WDPCP: variants seen among roughly 807,000 people sequenced by gnomAD.
WDPCP encodes WD repeat containing planar cell polarity effector.
A neutral mutation model predicts 93.1 loss-of-function variants in WDPCP; 71 were observed. The observed-to-expected ratio is 0.76, with a 90% confidence interval of 0.63 to 0.93. The LOEUF is 0.93. Ranked by LOEUF, WDPCP falls within the 40% of genes least tolerant of loss-of-function variation. WDPCP has a pLI of 0.00. For synonymous variants in WDPCP, 315 were observed against 315.0 expected, an observed-to-expected ratio of 1.00 and a Z score of 0.00; for missense variants, 844 against 887.4, an observed-to-expected ratio of 0.95 and a Z score of 0.62.
intron 12 of WDPCP, among the ~76,000 whole-genome samples, chr2:63,326,700 G>A (rs533522236): frequency 6.6e-6 from 1 of 151,778 alleles, no homozygotes; most frequent in African/African-American, 2.4e-5. Context: ...CAAAGAGAAG[G>A]AGACAGACAG....
chr2:63,124,115 T>G (rs552084070), intron 17 of WDPCP, among the ~76,000 whole-genome samples: 206 of 151,694 alleles, frequency 1.4e-3, no homozygotes, highest in African/African-American at 4.6e-3. Flanking sequence ...TTTTTCTGTT[T>G]GTAGGATTAT....
At chr2:63,395,200 T>C (rs1355841169) in intron 10 of WDPCP, among the ~76,000 whole-genome samples, 2 of 152,196 alleles carry the variant, frequency 1.3e-5, no homozygotes, top group Non-Finnish European at 2.9e-5. Flanking sequence ...TCTATGAAAT[T>C]CTAGAAAAGG....
intron 2 of WDPCP, among the ~76,000 whole-genome samples, chr2:63,657,284 A>G (rs1190524576): frequency 7.1e-6 from 1 of 140,580 alleles, no homozygotes; most frequent in African/African-American, 2.7e-5. Context: ...GACTCACTGC[A>G]AGCTCCGCCT....
intron 8 of WDPCP, among the ~76,000 whole-genome samples, chr2:63,436,193 C>A (rs1697126822): frequency 6.6e-6 from 1 of 151,964 alleles, no homozygotes; most frequent in Non-Finnish European, 1.5e-5. Context: ...CTGAAGTTAG[C>A]CATTCTAGAA....
intron 3 of WDPCP, among the ~76,000 whole-genome samples, chr2:63,613,979 T>G (rs262491): frequency 6.6e-6 from 1 of 152,078 alleles, no homozygotes; most frequent in Admixed American, 6.5e-5. Flanking sequence ...GACTTTTTAT[T>G]CATTTTTCTG....
intron 6 of WDPCP, among the ~76,000 whole-genome samples, chr2:63,446,999 G>T (rs1003028645): frequency 7.2e-5 from 11 of 152,098 alleles, no homozygotes; most frequent in African/African-American, 2.7e-4. Flanking sequence ...ATCTGAATTT[G>T]GCTATTGTTA....
At chr2:63,646,677 C>A (rs1030173541) in intron 3 of WDPCP, among the ~76,000 whole-genome samples, 2 of 152,122 alleles carry the variant, frequency 1.3e-5, no homozygotes, top group Non-Finnish European at 2.9e-5. Flanking sequence ...ACCAGATATA[C>A]TATTCTAAAG....
At chr2:63,184,302 T>C (rs889333654) in intron 14 of WDPCP, among the ~76,000 whole-genome samples, 7 of 152,158 alleles carry the variant, frequency 4.6e-5, no homozygotes, top group African/African-American at 1.7e-4. Context: ...ACTAACTGTT[T>C]TTATAAGACC....
chr2:63,779,560 A>T (rs1558908705), intron 2 of WDPCP, among the ~76,000 whole-genome samples: 1 of 152,192 alleles, frequency 6.6e-6, no homozygotes, highest in Non-Finnish European at 1.5e-5. Context: ...TGGTTGAGCA[A>T]GGCTGTTCAA....
chr2:63,500,925 T>C (rs1456077919), intron 1 of WDPCP, among the ~76,000 whole-genome samples: 1 of 152,232 alleles, frequency 6.6e-6, no homozygotes, highest in Non-Finnish European at 1.5e-5. Context: ...ACATTTAGCT[T>C]CTAATGTTAA....
At chr2:63,446,568 A>T (rs1191815764) in intron 6 of WDPCP, among the ~76,000 whole-genome samples, 1 of 152,150 alleles carries the variant, frequency 6.6e-6, no homozygotes, top group Non-Finnish European at 1.5e-5. Flanking sequence ...TCCTTTTCTC[A>T]CATAAAGAAA....
intron 6 of WDPCP, among the ~76,000 whole-genome samples, chr2:63,454,766 A>G (rs1698510461): frequency 6.6e-6 from 1 of 152,178 alleles, no homozygotes; most frequent in African/African-American, 2.4e-5. Context: ...CATTATAAGC[A>G]AACTGTCTAA....
In WDPCP at chr2:63,120,318, A is replaced by G. The variant is rs1332395394; in HGVS notation, c.*1688T>C. Among the ~76,000 whole-genome samples, 1 of 152,142 alleles carries G rather than the reference A, an allele frequency of 6.6e-6. No individual in the cohort carries two copies. The highest frequency in any genetic ancestry group is 1.5e-5 in the Non-Finnish European group (1 of 68,010). ...TTATGCATTATTAAAATTTTTTCAGAGCAATAACAAAATGAAAAATCTAAT... is the reference window on the plus strand; with the variant it reads ...TTATGCATTATTAAAATTTTTTCAGGGCAATAACAAAATGAAAAATCTAAT... On this transcript the variant is annotated 3_prime_UTR_variant, in exon 18 of 18. Transcript: ENST00000272321.
chr2:63,588,611 G>C (rs989063147), upstream of WDPCP: 46 of 498,166 alleles, frequency 9.2e-5, no homozygotes, highest in Non-Finnish European at 1.5e-4. Context: ...TCAGTCACGC[G>C]CGTGGGGGTG....
chr2:63,722,845 C>T (rs1405763265), intron 2 of WDPCP, among the ~76,000 whole-genome samples: 2 of 151,876 alleles, frequency 1.3e-5, no homozygotes, highest in South Asian at 2.1e-4. Context: ...AATAGAAAGG[C>T]GAGAAAGGTG....
At chr2:63,510,970 C>T (rs754295308) in intron 1 of WDPCP, among the ~76,000 whole-genome samples, 6 of 152,036 alleles carry the variant, frequency 3.9e-5, no homozygotes, top group Non-Finnish European at 5.9e-5. Flanking sequence ...AGCAAGACAC[C>T]GTCTCAAAAA....
chr2:63,357,236 C>CA (rs1690086948), intron 12 of WDPCP, among the ~76,000 whole-genome samples: 2 of 152,002 alleles, frequency 1.3e-5, no homozygotes, highest in Admixed American at 6.6e-5. Flanking sequence ...ACAAAGACAC[C>CA]AAAAGCAACT....
chr2:63,674,902 G>A (rs938433913), intron 2 of WDPCP, among the ~76,000 whole-genome samples: 35 of 152,246 alleles, frequency 2.3e-4, no homozygotes, highest in African/African-American at 8.2e-4. Context: ...CCTAAGATCT[G>A]AGAATACCCA....
chr2:63,364,794 CTTCT>C (rs1192272980), intron 12 of WDPCP, among the ~76,000 whole-genome samples: 1 of 152,164 alleles, frequency 6.6e-6, no homozygotes, highest in Non-Finnish European at 1.5e-5. Flanking sequence ...TTACATCTTC[CTTCT>C]CTTTCCTTTC....
Sources: gnomAD v4.1 joint callset for allele counts (sites outside exome capture counted in the v4.1 genomes callset) on GRCh38, gnomAD v4.1.1 for gene constraint, MANE v1.5 for transcripts, NCBI Gene and HGNC (gene_info 2026-07-23, HGNC 2026-07-21) for gene names.